The following TRIP4 variants were observed in gnomAD, a reference collection of about 807,000 sequenced individuals.
TRIP4 encodes the protein thyroid hormone receptor interactor 4.
A neutral mutation model predicts 81.8 loss-of-function variants in TRIP4; 54 were observed. The ratio of observed to expected loss-of-function variants is 0.66; its 90% confidence interval spans 0.53 to 0.83. The LOEUF is 0.83. Ranked by LOEUF, TRIP4 falls within the 40% of genes least tolerant of loss-of-function variation. TRIP4 has a pLI of 0.00. For missense variants in TRIP4, 662 were observed against 683.6 expected (o/e 0.97, Z 0.35); for synonymous variants, 270 against 242.8 (o/e 1.11, Z -1.04).
chr15:64,428,373 A>G (rs1262017681), intron 11 of TRIP4, among the ~76,000 whole-genome samples: 4 of 151,956 alleles, frequency 2.6e-5, no homozygotes, highest in Non-Finnish European at 5.9e-5. Context: ...CCTCTTTTTC[A>G]TGATACTTCT....
chr15:64,406,446 T>A lies in TRIP4; in HGVS notation c.814T>A (p.Phe272Ile), dbSNP rs757477410. 6.2e-7 allele frequency: 1 copy of A among 1,613,634 alleles called. No homozygotes were observed. ...AIKHKDKLLEFDRTSIRRTQV... is the reference protein window; with the variant it reads ...AIKHKDKLLEIDRTSIRRTQV... The stretch of plus-strand genomic sequence containing the variant: ...CAAGCATAAAGACAAACTGTTAGAG[T>A]TTGACAGAACTAGGTATGAAAGGGT... The change falls in exon 6 of 13, where the codon TTT (phenylalanine) becomes ATT (isoleucine). Residue 272 changes from phenylalanine (F) to isoleucine (I), a missense_variant. Physicochemically the swap from Phe to Ile is conservative, Grantham distance 21. Coordinates refer to ENST00000261884, the MANE Select transcript of TRIP4 (RefSeq NM_016213.5).
rs868527254 is a variant in TRIP4, at chr15:64,424,100, C to T, written c.1428C>T (p.Pro476=). The stretch of plus-strand genomic sequence containing the variant: ...GGATAGCAGCCACAGCTAAAAAACC[C>T]TCCCCTCAAGAAGTCTCAGAACTCC... ...RLWIAATAKK[P]SPQEVSELQA... The change falls in exon 10 of 13, where the codon CCC becomes CCT. Residue 476 remains proline (P), a synonymous_variant. Transcript: ENST00000261884. 2.5e-6 allele frequency: 4 copies of T among 1,614,180 alleles called. No homozygotes were observed. Among genetic ancestry groups the T allele is most frequent in the Middle Eastern group, 3.3e-4 (2 of 6,062 alleles).
At chr15:64,390,633 G>A (rs1900098600) in intron 1 of TRIP4, among the ~76,000 whole-genome samples, 1 of 152,006 alleles carries the variant, frequency 6.6e-6, no homozygotes, top group Admixed American at 6.6e-5. Flanking sequence ...GCTCACGCCT[G>A]TAATCCTAGC....
chr15:64,392,314 C>T (rs1217351697), intron 1 of TRIP4, among the ~76,000 whole-genome samples: 2 of 151,998 alleles, frequency 1.3e-5, no homozygotes, highest in African/African-American at 4.8e-5. Flanking sequence ...CAAAAAAACC[C>T]TCCAGGGTTA....
At chr15:64,454,922 AGACCTGGGAGGCTGCAAAAG>A (rs1892851685) in intron 12 of TRIP4, 55 bp from the exon 13 acceptor site, 3 of 1,351,396 alleles carry the variant, frequency 2.2e-6, no homozygotes, top group Admixed American at 1.7e-5. Flanking sequence ...AGTAACCAGA[AGACCTGGGAGGCTGCAAAAG>A]ATTTGCATTG....
Position 64,426,871 on chromosome 15 carries a change from G to A in TRIP4, c.1575+1240G>A, listed in dbSNP as rs149921984. Among the ~76,000 whole-genome samples the A allele has an allele frequency of 1.7e-4, 25 of 149,426 alleles. No homozygotes were observed. In the East Asian group the frequency reaches 3.0e-3, roughly 18 times the overall value. On this transcript the variant is annotated intron_variant, in intron 11 of 12. Transcript: ENST00000261884. Reference sequence around the variant, plus strand: ...AAAAAATTGCTGGGTGTGATGGCACGCGCTTATAGTCCCAACTATTCGGGA... The same window carrying A: ...AAAAAATTGCTGGGTGTGATGGCACACGCTTATAGTCCCAACTATTCGGGA...
In TRIP4 at chr15:64,414,234, T is replaced by G. The variant is rs201238087; in HGVS notation, c.1170+23T>G. Reference sequence around the variant, plus strand: ...CAGGTTAGTGGACCTTTGCTCTAACTGTTAATAAGAAGTTTGGCCCCAATT... The same window carrying G: ...CAGGTTAGTGGACCTTTGCTCTAACGGTTAATAAGAAGTTTGGCCCCAATT... On this transcript the variant is annotated intron_variant, in intron 8 of 12. Transcript: ENST00000261884. 1.4e-5 allele frequency: 23 copies of G among 1,611,470 alleles called. No individual in the cohort carries two copies. The East Asian group carries it at 4.7e-4, about 33-fold the overall frequency.
chr15:64,406,595 T>C lies in TRIP4; in HGVS notation c.827+136T>C, dbSNP rs1163253655. The C allele has an allele frequency of 6.8e-6, 7 of 1,035,164 alleles. No individual in the cohort carries two copies. The South Asian group carries it at 8.9e-5, about 13-fold the overall frequency. 64.1% of individuals were successfully genotyped at this position (1,035,164 alleles called of 1,614,324 possible). ...CAAAAGAAGAGCCAGATGCTCTACA[T>C]AGGAGGCCTACATCTTGTTTTTTAA... is the stretch of plus-strand genomic sequence containing the variant. On this transcript the variant is annotated intron_variant, in intron 6 of 12. Transcript: ENST00000261884.
In TRIP4 at chr15:64,395,432, A is replaced by G. The variant is rs1238580347; in HGVS notation, c.306A>G (p.Leu102=). Residue 102 remains leucine (L), a synonymous_variant, in exon 3 of 13, where the codon CTA becomes CTG. Coordinates refer to ENST00000261884, the MANE Select transcript of TRIP4 (RefSeq NM_016213.5). ...ILDGQKSGDH[L]KRGRKKGRNR... is the part of the protein sequence containing the mutation. ...ATGGGCAGAAATCAGGCGACCATCT[A>G]AAGCGGGGTAGGAAGAAAGGGAGAA... The G allele has an allele frequency of 4.3e-6, 7 of 1,613,594 alleles. No homozygotes were observed. Among genetic ancestry groups the G allele is most frequent in the South Asian group, 1.1e-5 (1 of 91,026 alleles).
chr15:64,430,956 T>C (rs1346534479), intron 11 of TRIP4, among the ~76,000 whole-genome samples: 1 of 152,014 alleles, frequency 6.6e-6, no homozygotes, highest in Non-Finnish European at 1.5e-5. Flanking sequence ...GAGAATTTGC[T>C]GGAAGAAAAG....
intron 8 of TRIP4, among the ~76,000 whole-genome samples, chr15:64,415,568 C>A (rs1891876300): frequency 6.6e-6 from 1 of 152,176 alleles, no homozygotes; most frequent in African/African-American, 2.4e-5. Flanking sequence ...TTACTCTAAT[C>A]TCTGCCTCTG....
At chr15:64,436,663 A>AATTTCCTTC (rs1322796972) in intron 11 of TRIP4, among the ~76,000 whole-genome samples, 1 of 136,728 alleles carries the variant, frequency 7.3e-6, no homozygotes, top group African/African-American at 2.7e-5. Context: ...TAACAGGATT[A>AATTTCCTTC]ATTTCCTTCT....
At chr15:64,448,999 C>T (rs751656393) in intron 12 of TRIP4, among the ~76,000 whole-genome samples, 4 of 152,030 alleles carry the variant, frequency 2.6e-5, no homozygotes, top group African/African-American at 9.7e-5. Context: ...CACTTGAAGC[C>T]AGGAGTTTGA....
At chr15:64,432,381 A>T (rs1892297379) in intron 11 of TRIP4, among the ~76,000 whole-genome samples, 1 of 151,982 alleles carries the variant, frequency 6.6e-6, no homozygotes, top group African/African-American at 2.4e-5. Flanking sequence ...TGGGAGACCG[A>T]TGCAGGCGGA....
chr15:64,448,366 C>G (rs1403896022), intron 12 of TRIP4, among the ~76,000 whole-genome samples: 1 of 152,174 alleles, frequency 6.6e-6, no homozygotes, highest in Non-Finnish European at 1.5e-5. Context: ...GAGTGACATT[C>G]TTAGGAGAAA....
intron 8 of TRIP4, 132 bp downstream of exon 8, chr15:64,414,343 A>G: frequency 8.3e-7 from 1 of 1,201,170 alleles, no homozygotes; most frequent in Non-Finnish European, 1.1e-6. Flanking sequence ...CAGCTCTCTC[A>G]ACACACCTGC....
intron 9 of TRIP4, among the ~76,000 whole-genome samples, chr15:64,421,580 C>T (rs1361760617): frequency 6.6e-6 from 1 of 151,934 alleles, no homozygotes; most frequent in African/African-American, 2.4e-5. Flanking sequence ...AAGTGATCCA[C>T]CCGCCTCCAC....
chr15:64,417,822 A>G (rs901759572), intron 8 of TRIP4, among the ~76,000 whole-genome samples: 2 of 152,348 alleles, frequency 1.3e-5, no homozygotes, highest in East Asian at 1.9e-4. Flanking sequence ...CCCTAAGCAC[A>G]TGCAGAATTG....
rs560847007 is a variant in TRIP4, at chr15:64,394,270, A to G, written c.271+155A>G. Among the ~76,000 whole-genome samples, 6 of 152,198 alleles carry G rather than the reference A, an allele frequency of 3.9e-5. No homozygotes were observed. The South Asian group carries it at 8.3e-4, about 21-fold the overall frequency. ...CATATTTTTAGTTCGGTTCTACTCA[A>G]TCCGTAATGAATATTGCTCTAGTTC... On this transcript the variant is annotated intron_variant, in intron 2 of 12. Coordinates refer to ENST00000261884, the MANE Select transcript of TRIP4 (RefSeq NM_016213.5).
Sources: allele counts gnomAD v4.1 joint callset (sites outside exome capture counted in the v4.1 genomes callset), GRCh38; gene constraint gnomAD v4.1.1; transcripts MANE v1.5; gene names NCBI Gene and HGNC (gene_info 2026-07-23, HGNC 2026-07-21).